The following OSBP2 variants were observed in gnomAD, a reference collection of about 807,000 sequenced individuals.
OSBP2 encodes oxysterol-binding protein 2.
A neutral mutation model predicts 96.0 loss-of-function variants in OSBP2; 66 were observed. The observed-to-expected ratio is 0.69, with a 90% CI of 0.56 to 0.84. The LOEUF (loss-of-function observed/expected upper bound fraction) is 0.84, where lower values mean the gene tolerates loss of function less well. Among genes scored for constraint, OSBP2 ranks in the 40% least tolerant of loss-of-function variants. The pLI is 0.00. For synonymous variants in OSBP2, 525 were observed against 520.9 expected, an observed-to-expected ratio of 1.01 and a Z score of -0.11; for missense variants, 1,038 against 1,222.7, an observed-to-expected ratio of 0.85 and a Z score of 2.25.
At chr22:30,717,641 G>T (rs914467406) in intron 1 of OSBP2, among the ~76,000 whole-genome samples, 1 of 152,238 alleles carries the variant, frequency 6.6e-6, no homozygotes, top group African/African-American at 2.4e-5. Context: ...GCAGATGGAA[G>T]TCAAAAGCAG....
At chr22:30,823,280 G>T (rs1176183989) in intron 2 of OSBP2, among the ~76,000 whole-genome samples, 1 of 152,232 alleles carries the variant, frequency 6.6e-6, no homozygotes, top group African/African-American at 2.4e-5. Context: ...TAGCGTGGGG[G>T]AAAACCTTAG....
At chr22:30,897,073 T>C (rs1448308837) in intron 12 of OSBP2, among the ~76,000 whole-genome samples, 1 of 152,246 alleles carries the variant, frequency 6.6e-6, no homozygotes, top group East Asian at 1.9e-4. Context: ...ATAATAGCTA[T>C]ATTAATATCA....
chr22:30,739,699 C>T (rs529774052), intron 1 of OSBP2, among the ~76,000 whole-genome samples: 2 of 152,024 alleles, frequency 1.3e-5, no homozygotes, highest in South Asian at 4.2e-4. Context: ...TAGACGGAGG[C>T]GATTCATGAA....
In OSBP2 at chr22:30,893,254, C is replaced by T. The variant is rs372101587; in HGVS notation, c.1990+12C>T. On this transcript the variant is annotated intron_variant, in intron 9 of 13. Transcript: ENST00000332585. The stretch of plus-strand genomic sequence containing the variant: ...CATCATGCCGCTAGGTGAGCTGGGG[C>T]CCGGTGCCTTCCTGGGACACAGAGA... The T allele has an allele frequency of 1.1e-5, 18 of 1,613,844 alleles. No individual in the cohort carries two copies. The East Asian group carries it at 2.2e-4, about 20-fold the overall frequency.
At chr22:30,843,448 C>CCA (rs2038798419) in intron 2 of OSBP2, among the ~76,000 whole-genome samples, 2 of 119,018 alleles carry the variant, frequency 1.7e-5, no homozygotes, top group African/African-American at 8.5e-5. Context: ...AATCTTTCCC[C>CCA]CCTCCCCCTT....
chr22:30,800,131 T>C (rs1173075630), intron 2 of OSBP2, among the ~76,000 whole-genome samples: 2 of 152,226 alleles, frequency 1.3e-5, no homozygotes, highest in Non-Finnish European at 2.9e-5. Context: ...ATTCTTGGTA[T>C]TTCCTGGCTG....
In OSBP2 at chr22:30,702,633, T is replaced by TAAACA. The variant is rs572067425; in HGVS notation, c.644+7096_644+7100dup. Among the ~76,000 whole-genome samples the TAAACA allele has an allele frequency of 3.6e-4, 54 of 152,056 alleles. No individual in the cohort carries two copies. In the East Asian group the frequency reaches 7.1e-3, roughly 20 times the overall value. Reference sequence around the variant, plus strand: ...GGTCTCAAAAAATAAATAAAATAAATAAACAAAACAAAACAAAACAGTACC... The same window carrying TAAACA: ...GGTCTCAAAAAATAAATAAAATAAATAAACAAAACAAAACAAAACAAAACAGTACC... On this transcript the variant is annotated intron_variant, in intron 1 of 13. Coordinates refer to ENST00000332585, the MANE Select transcript of OSBP2 (RefSeq NM_030758.4).
In OSBP2 at chr22:30,713,752, T is replaced by C. The variant is rs530870393; in HGVS notation, c.644+18199T>C. Among the ~76,000 whole-genome samples the C allele has an allele frequency of 2.0e-5, 3 of 152,298 alleles. No individual in the cohort carries two copies. In the East Asian group the frequency reaches 5.8e-4, roughly 29 times the overall value. ...TACTGAGATTACAGATGTGAGCTAT[T>C]ACAGTCAACCTAAAATTGTTTTCAT... On this transcript the variant is annotated intron_variant, in intron 1 of 13. Coordinates refer to ENST00000332585, the MANE Select transcript of OSBP2 (RefSeq NM_030758.4).
At chr22:30,730,774 C>CTCTCTATATATA (rs1569100458) in intron 1 of OSBP2, among the ~76,000 whole-genome samples, 1 of 13,832 alleles carries the variant, frequency 7.2e-5, no homozygotes, top group Non-Finnish European at 1.4e-4. Flanking sequence ...CTCTCTCTCT[C>CTCTCTATATATA]TATATATATA....
In OSBP2 at chr22:30,695,014, G is replaced by A. The variant is rs746845184; in HGVS notation, c.105G>A (p.Ala35=). The change falls in exon 1 of 14, where the codon GCG becomes GCA. Residue 35 remains alanine, a synonymous_variant. Coordinates refer to ENST00000332585, the MANE Select transcript of OSBP2 (RefSeq NM_030758.4). ...TCCCCTGCCTGTCGTGCCACACGGC[G>A]GCGCCGGGCATGAGCGCTTCCACGT... The part of the protein sequence containing the change: ...TVVPCLSCHT[A]APGMSASTSG... The A allele has an allele frequency of 2.5e-6, 4 of 1,581,234 alleles. No individual in the cohort carries two copies. Among genetic ancestry groups the A allele is most frequent in the African/African-American group, 1.4e-5 (1 of 74,020 alleles).
At chr22:30,717,957 A>T (rs2089489964) in intron 1 of OSBP2, among the ~76,000 whole-genome samples, 1 of 152,046 alleles carries the variant, frequency 6.6e-6, no homozygotes. Flanking sequence ...GGTGATTTAA[A>T]CTCTGAGGTT....
At chr22:30,849,595 CTTA>C (rs1359166432) in intron 2 of OSBP2, among the ~76,000 whole-genome samples, 1 of 151,978 alleles carries the variant, frequency 6.6e-6, no homozygotes, top group Non-Finnish European at 1.5e-5. Context: ...TGATGTTTGC[CTTA>C]TTATGCATTT....
intron 3 of OSBP2, among the ~76,000 whole-genome samples, chr22:30,878,290 C>T (rs1040888074): frequency 6.6e-6 from 1 of 152,262 alleles, no homozygotes; most frequent in Non-Finnish European, 1.5e-5. Context: ...TTGGAGAATG[C>T]GCTATCCGCG....
chr22:30,714,455 A>G (rs1006394168), intron 1 of OSBP2, among the ~76,000 whole-genome samples: 1 of 151,700 alleles, frequency 6.6e-6, no homozygotes, highest in Admixed American at 6.6e-5. Flanking sequence ...AAAATTTACT[A>G]TCTTAACTAT....
chr22:30,694,080 T>TCCACAACTACTGCGGAAGCCTCACAGA, upstream of OSBP2: 2 of 1,548,994 alleles, frequency 1.3e-6, no homozygotes, highest in Non-Finnish European at 1.7e-6. Flanking sequence ...CAGGTAAACC[T>TCCACAACTACTGCGGAAGCCTCACAGA]CTGCGGAAGC....
At chr22:30,734,237 T>G (rs2089819937) in intron 1 of OSBP2, among the ~76,000 whole-genome samples, 1 of 152,142 alleles carries the variant, frequency 6.6e-6, no homozygotes, top group Non-Finnish European at 1.5e-5. Context: ...AGTGCTGGGA[T>G]TATAGGCATG....
At chr22:30,749,020 G>A (rs560385025) in intron 2 of OSBP2, among the ~76,000 whole-genome samples, 1 of 152,326 alleles carries the variant, frequency 6.6e-6, no homozygotes, top group East Asian at 1.9e-4. Flanking sequence ...GGAGGCCGAG[G>A]CAGGAGAATC....
At chr22:30,895,829 T>C (rs1313316655) in intron 12 of OSBP2, among the ~76,000 whole-genome samples, 1 of 150,970 alleles carries the variant, frequency 6.6e-6, no homozygotes, top group African/African-American at 2.4e-5. Flanking sequence ...TCCCAGCTAC[T>C]CAGGAGGCTG....
intron 12 of OSBP2, among the ~76,000 whole-genome samples, chr22:30,899,869 A>G (rs190719964): frequency 3.9e-5 from 6 of 152,354 alleles, no homozygotes; most frequent in East Asian, 3.9e-4. Flanking sequence ...ACAGATTTCA[A>G]TAGATTCAGA....
Sources: allele counts gnomAD v4.1 joint callset (sites outside exome capture counted in the v4.1 genomes callset), GRCh38; gene constraint gnomAD v4.1.1; transcripts MANE v1.5; gene names NCBI Gene and HGNC (gene_info 2026-07-23, HGNC 2026-07-21).